Variants in SMAD6 observed in about 807,000 individuals in gnomAD.
SMAD6 encodes MAD homolog 6.
In SMAD6, 103 loss-of-function variants were observed where a neutral mutation model predicts 39.4. That is an observed-to-expected ratio of 2.62 (90% CI 2.23 to 3.08). The LOEUF (loss-of-function observed/expected upper bound fraction) is 3.08, where lower values mean the gene tolerates loss of function less well. Ranked by LOEUF, SMAD6 falls within the 30% of genes most tolerant of loss-of-function variation. The pLI is 0.00. For missense variants in SMAD6, 1,104 were observed against 742.9 expected, an observed-to-expected ratio of 1.49 and a Z score of -5.65; for synonymous variants, 445 against 353.3, an observed-to-expected ratio of 1.26 and a Z score of -2.91.
rs1484233065 is a variant in SMAD6, at chr15:66,703,802, C to T, written c.544C>T (p.Arg182Trp). 10 of 1,438,102 alleles carry T rather than the reference C, an allele frequency of 7.0e-6. No individual in the cohort carries two copies. Among genetic ancestry groups the T allele is most frequent in the East Asian group, 3.2e-5 (1 of 31,718 alleles). The allele number at this position is 1,438,102 out of a possible 1,614,324, so 89.1% of individuals were successfully genotyped here. ...AACCGTCACGTACTCGCTGCTGAAGCGGCTCAAGGAGCGCTCGCTGGACAC... is the reference window on the plus strand; with the variant it reads ...AACCGTCACGTACTCGCTGCTGAAGTGGCTCAAGGAGCGCTCGCTGGACAC... ...LKTVTYSLLK[R>W]LKERSLDTLL... Residue 182 changes from arginine to tryptophan, a missense_variant, in exon 1 of 4, where the codon CGG becomes TGG. Coordinates refer to ENST00000288840, the MANE Select transcript of SMAD6 (RefSeq NM_005585.5).
intron 3 of SMAD6, among the ~76,000 whole-genome samples, chr15:66,753,753 CTCT>C (rs1187993247): frequency 6.6e-6 from 1 of 152,036 alleles, no homozygotes; most frequent in Non-Finnish European, 1.5e-5. Flanking sequence ...TTTTTTCTTC[CTCT>C]TCTTGCCGGA....
chr15:66,712,380 A>T (rs1223975107), intron 2 of SMAD6, among the ~76,000 whole-genome samples: 2 of 152,128 alleles, frequency 1.3e-5, no homozygotes, highest in Non-Finnish European at 2.9e-5. Flanking sequence ...TCTGGGGTAG[A>T]TGTAAGTGGT....
chr15:66,706,821 G>C (rs62005624), intron 1 of SMAD6: 3 of 152,338 alleles, frequency 2.0e-5, no homozygotes, highest in Non-Finnish European at 4.4e-5. Flanking sequence ...GACCCCTGCT[G>C]TTCAGAGCCC....
In SMAD6 at chr15:66,703,442, C is replaced by T. The variant is rs1278139915; in HGVS notation, c.184C>T (p.Pro62Ser). The T allele has an allele frequency of 7.8e-7, 1 of 1,278,082 alleles. No individual in the cohort carries two copies. Among genetic ancestry groups the T allele is most frequent in the African/African-American group, 1.6e-5 (1 of 64,444 alleles). The allele number at this position is 1,278,082 out of a possible 1,614,324, so 79.2% of individuals were successfully genotyped here. ...AGGCTGCGGCCGCTCCGAAGTCCGC[C>T]CGGTAGCCCCGCGGCGGCCCCGGGA... ...GGGCGRSEVR[P>S]VAPRRPRDAV... Residue 62 changes from proline (P) to serine (S), a missense_variant, in exon 1 of 4, where the codon CCG becomes TCG. Coordinates refer to ENST00000288840, the MANE Select transcript of SMAD6 (RefSeq NM_005585.5).
chr15:66,737,505 C>T (rs1893734124), intron 3 of SMAD6, among the ~76,000 whole-genome samples: 1 of 152,132 alleles, frequency 6.6e-6, no homozygotes, highest in Non-Finnish European at 1.5e-5. Flanking sequence ...GGTGTAGGCA[C>T]TTGGCACATG....
At chr15:66,742,812 CT>C in intron 3 of SMAD6, among the ~76,000 whole-genome samples, 1 of 152,172 alleles carries the variant, frequency 6.6e-6, no homozygotes, top group African/African-American at 2.4e-5. Flanking sequence ...GTTGCCTTTG[CT>C]TAGACTGCCC....
At chr15:66,704,610 C>G (rs1418374578) in intron 1 of SMAD6, 1 of 152,330 alleles carries the variant, frequency 6.6e-6, no homozygotes, top group Non-Finnish European at 1.5e-5. Context: ...ATACTTTCGA[C>G]AAAGCTTTGC....
intron 3 of SMAD6, among the ~76,000 whole-genome samples, chr15:66,762,317 G>A (rs1242419672): frequency 6.6e-6 from 1 of 152,222 alleles, no homozygotes; most frequent in East Asian, 1.9e-4. Context: ...CTTGCACACA[G>A]TAGGCGCTTA....
chr15:66,751,620 G>T (rs1194124264), intron 3 of SMAD6, among the ~76,000 whole-genome samples: 2 of 152,256 alleles, frequency 1.3e-5, no homozygotes, highest in Non-Finnish European at 1.5e-5. Flanking sequence ...CAAGGTCAAT[G>T]CAAAGTGTGA....
intron 3 of SMAD6, among the ~76,000 whole-genome samples, chr15:66,725,695 C>T (rs1178334594): frequency 1.3e-5 from 2 of 152,128 alleles, no homozygotes; most frequent in Non-Finnish European, 2.9e-5. Flanking sequence ...AGGGGCAGGG[C>T]ACCATTTGGC....
chr15:66,765,494 A>G (rs1894272873), intron 3 of SMAD6, among the ~76,000 whole-genome samples: 1 of 152,222 alleles, frequency 6.6e-6, no homozygotes, highest in Non-Finnish European at 1.5e-5. Context: ...AAATGTTGGC[A>G]TTACAGGCGT....
At chr15:66,708,726 A>AT in intron 1 of SMAD6, 1 of 471,878 alleles carries the variant, frequency 2.1e-6, no homozygotes, top group Non-Finnish European at 4.4e-6. Context: ...GGGCAAACCC[A>AT]TAGAGACACA....
rs117121821 is a variant in SMAD6 at position 66,729,954 on chromosome 15, T to G, written c.952+13456T>G. Among the ~76,000 whole-genome samples, 17 of 144,988 alleles carry G rather than the reference T, an allele frequency of 1.2e-4. No individual in the cohort carries two copies. The South Asian group carries it at 1.5e-3, about 13-fold the overall frequency. On this transcript the variant is annotated intron_variant, in intron 3 of 3. Transcript: ENST00000288840. ...TGGGCCTGGGCTGCAGGAAAAACAC[T>G]TGGGCTTAAGAAAACACTCGCCAGA...
intron 3 of SMAD6, among the ~76,000 whole-genome samples, chr15:66,743,408 T>C (rs1893850014): frequency 1.5e-5 from 2 of 136,456 alleles, no homozygotes; most frequent in Admixed American, 7.2e-5. Context: ...GGTACATACC[T>C]GAAAAAGCTT....
chr15:66,759,142 C>T (rs1481036128), intron 3 of SMAD6, among the ~76,000 whole-genome samples: 1 of 152,186 alleles, frequency 6.6e-6, no homozygotes, highest in East Asian at 1.9e-4. Flanking sequence ...TTCTCTTTTG[C>T]TGATTCCTTA....
At chr15:66,713,284 C>G (rs1162778962) in intron 2 of SMAD6, among the ~76,000 whole-genome samples, 1 of 152,196 alleles carries the variant, frequency 6.6e-6, no homozygotes, top group East Asian at 1.9e-4. Context: ...AAGGCCTCCT[C>G]CCAGTAGTGT....
At chr15:66,729,765 G>T (rs1893592049) in intron 3 of SMAD6, among the ~76,000 whole-genome samples, 1 of 152,158 alleles carries the variant, frequency 6.6e-6, no homozygotes, top group African/African-American at 2.4e-5. Context: ...AGTTACCAGG[G>T]TTTTCCACGG....
intron 3 of SMAD6, among the ~76,000 whole-genome samples, chr15:66,765,717 G>A (rs1258582997): frequency 6.6e-6 from 1 of 152,144 alleles, no homozygotes; most frequent in East Asian, 1.9e-4. Flanking sequence ...TTATGATGAT[G>A]GGGGCATGCA....
At chr15:66,757,249 C>T (rs1329193959) in intron 3 of SMAD6, among the ~76,000 whole-genome samples, 3 of 152,182 alleles carry the variant, frequency 2.0e-5, no homozygotes, top group Non-Finnish European at 2.9e-5. Flanking sequence ...ACGCAGGGTA[C>T]GGGAGGAGGC....
Sources: allele counts gnomAD v4.1 joint callset (sites outside exome capture counted in the v4.1 genomes callset), GRCh38; gene constraint gnomAD v4.1.1; transcripts MANE v1.5; gene names NCBI Gene and HGNC (gene_info 2026-07-23, HGNC 2026-07-21).